Variants in ZDHHC17 observed in about 807,000 individuals in gnomAD.
ZDHHC17 encodes zDHHC palmitoyltransferase 17.
In ZDHHC17, 40 loss-of-function variants were observed where a neutral mutation model predicts 90.3. That is an observed-to-expected ratio of 0.44 (90% CI 0.34 to 0.58). The LOEUF is 0.58. Among genes scored for constraint, ZDHHC17 ranks in the 20% least tolerant of loss-of-function variants. The probability of loss-of-function intolerance (pLI) is 0.01; values close to 1 mark genes in which losing one functional copy is unlikely to be tolerated. For synonymous variants in ZDHHC17, 235 were observed against 252.4 expected, an observed-to-expected ratio of 0.93 and a Z score of 0.65; for missense variants, 614 against 780.8, an observed-to-expected ratio of 0.79 and a Z score of 2.55.
intron 5 of ZDHHC17, chr12:76,813,347 T>C (rs1953048271): frequency 4.4e-6 from 2 of 451,174 alleles, no homozygotes; most frequent in Admixed American, 2.4e-5. Flanking sequence ...ATATTGGAAA[T>C]GTTGAGTGAG....
intron 16 of ZDHHC17, among the ~76,000 whole-genome samples, chr12:76,850,595 C>T (rs939520330): frequency 1.3e-5 from 2 of 151,890 alleles, no homozygotes; most frequent in African/African-American, 4.8e-5. Flanking sequence ...AAAGTATATG[C>T]ACATTTGAAT....
intron 2 of ZDHHC17, among the ~76,000 whole-genome samples, chr12:76,801,619 G>A (rs1366211778): frequency 2.0e-5 from 3 of 151,822 alleles, no homozygotes; most frequent in African/African-American, 4.8e-5. Flanking sequence ...GCGCCACTGT[G>A]CTCCAGCCTG....
At chr12:76,775,913 A>C (rs902866833) in intron 1 of ZDHHC17, among the ~76,000 whole-genome samples, 2 of 152,156 alleles carry the variant, frequency 1.3e-5, no homozygotes, top group African/African-American at 4.8e-5. Context: ...TATAATCATG[A>C]ATAAATTCTA....
chr12:76,788,542 A>G (rs557807926), intron 1 of ZDHHC17, among the ~76,000 whole-genome samples: 1 of 152,288 alleles, frequency 6.6e-6, no homozygotes, highest in East Asian at 1.9e-4. Context: ...ATCAGTATGA[A>G]AAAGATTAAT....
intron 1 of ZDHHC17, among the ~76,000 whole-genome samples, chr12:76,787,660 C>G (rs746517634): frequency 1.3e-5 from 2 of 151,730 alleles, no homozygotes; most frequent in African/African-American, 4.8e-5. Context: ...TGTGTGTGTG[C>G]GCGCGCAGGA....
chr12:76,775,532 G>A (rs1034174350), intron 1 of ZDHHC17, among the ~76,000 whole-genome samples: 2 of 152,112 alleles, frequency 1.3e-5, no homozygotes, highest in African/African-American at 2.4e-5. Context: ...AAGTAAGTCT[G>A]TAAAAGATTT....
chr12:76,805,045 A>ATT (rs1952939644), intron 2 of ZDHHC17, among the ~76,000 whole-genome samples: 1 of 152,154 alleles, frequency 6.6e-6, no homozygotes, highest in African/African-American at 2.4e-5. Flanking sequence ...ATAAGTGGTA[A>ATT]TAAAGCAACT....
At position 76,788,322 on chromosome 12, in the gene ZDHHC17, A is replaced by G. The variant is rs1210321532; in HGVS notation, c.94-9112A>G. The stretch of plus-strand genomic sequence containing the variant: ...ATCACTTGGACACACTTATCTTTCA[A>G]AGGGCCAAGGGTGTACAGTTCAACT... On this transcript the variant is annotated intron_variant, in intron 1 of 16. Coordinates refer to ENST00000426126, the MANE Select transcript of ZDHHC17 (RefSeq NM_015336.4). Among the ~76,000 whole-genome samples, 6 of 152,174 alleles carry G rather than the reference A, an allele frequency of 3.9e-5. No individual in the cohort carries two copies. The East Asian group carries it at 5.8e-4, about 15-fold the overall frequency.
rs1289413207 is a variant in ZDHHC17 at position 76,766,882 on chromosome 12, T to C, written c.93+2553T>C. ...AGAAAATACAAAAATTAGCTGAGCA[T>C]GGTGGTACACGCCTGTAGTCCCAGC... On this transcript the variant is annotated intron_variant, in intron 1 of 16. Coordinates refer to ENST00000426126, the MANE Select transcript of ZDHHC17 (RefSeq NM_015336.4). Among the ~76,000 whole-genome samples, 6 of 151,964 alleles carry C rather than the reference T, an allele frequency of 3.9e-5. No homozygotes were observed. The South Asian group carries it at 1.2e-3, about 32-fold the overall frequency.
chr12:76,765,152 A>T (rs1952417396), intron 1 of ZDHHC17, among the ~76,000 whole-genome samples: 1 of 152,246 alleles, frequency 6.6e-6, no homozygotes, highest in African/African-American at 2.4e-5. Flanking sequence ...TGATGTCTGT[A>T]TGCGGCAGCG....
chr12:76,781,049 G>A (rs1952618760), intron 1 of ZDHHC17, among the ~76,000 whole-genome samples: 1 of 151,200 alleles, frequency 6.6e-6, no homozygotes, highest in Admixed American at 6.6e-5. Context: ...CTGGAGAATG[G>A]TGTGAACCCG....
chr12:76,775,792 G>A (rs1312705335), intron 1 of ZDHHC17, among the ~76,000 whole-genome samples: 1 of 152,118 alleles, frequency 6.6e-6, no homozygotes, highest in Non-Finnish European at 1.5e-5. Flanking sequence ...AAGATTTTAA[G>A]AGAGCATGTA....
At chr12:76,818,126 T>C (rs1203765628) in intron 7 of ZDHHC17, among the ~76,000 whole-genome samples, 1 of 152,196 alleles carries the variant, frequency 6.6e-6, no homozygotes, top group African/African-American at 2.4e-5. Flanking sequence ...ATGGTACTTC[T>C]AAAGAAAATA....
chr12:76,776,592 A>G (rs1297747050), intron 1 of ZDHHC17, among the ~76,000 whole-genome samples: 1 of 152,150 alleles, frequency 6.6e-6, no homozygotes, highest in Non-Finnish European at 1.5e-5. Flanking sequence ...GATCTTCCCT[A>G]TTCTTTGTAG....
chr12:76,807,281 T>C lies in ZDHHC17; in HGVS notation c.321-1762T>C, dbSNP rs866719654. Among the ~76,000 whole-genome samples, 23 of 152,328 alleles carry C rather than the reference T, an allele frequency of 1.5e-4. 1 individual carries two copies. The highest frequency in any genetic ancestry group is 3.4e-3 in the Middle Eastern group (1 of 294). On this transcript the variant is annotated intron_variant, in intron 3 of 16. Coordinates refer to ENST00000426126, the MANE Select transcript of ZDHHC17 (RefSeq NM_015336.4). ...TTGTGATGCTAAGTAACTACTGACT[T>C]TCAGCGGGAATATATGCTAGAAAAC...
intron 1 of ZDHHC17, among the ~76,000 whole-genome samples, chr12:76,778,479 T>C (rs574455601): frequency 4.6e-5 from 7 of 152,302 alleles, no homozygotes; most frequent in Admixed American, 3.9e-4. Context: ...TGCCTCGGCC[T>C]CCCAGAGTGC....
In ZDHHC17 at chr12:76,818,525, AC is replaced by A. The variant is rs889868041; in HGVS notation, c.771+2508del. On this transcript the variant is annotated intron_variant, in intron 7 of 16. Coordinates refer to ENST00000426126, the MANE Select transcript of ZDHHC17 (RefSeq NM_015336.4). The stretch of plus-strand genomic sequence containing the variant: ...GTGATAGAATGACTGGGATGGAAGG[AC>A]CACATCCAGTGAGAGTGATTTGGGA... Among the ~76,000 whole-genome samples the A allele has an allele frequency of 5.9e-5, 9 of 152,220 alleles. 1 individual carries two copies. In the South Asian group the frequency reaches 1.7e-3, roughly 28 times the overall value.
chr12:76,799,205 C>T, intron 2 of ZDHHC17, among the ~76,000 whole-genome samples: 1 of 152,106 alleles, frequency 6.6e-6, no homozygotes, highest in East Asian at 1.9e-4. Flanking sequence ...GTCATATTTC[C>T]TTAGGATGTG....
chr12:76,788,083 C>T lies in ZDHHC17; in HGVS notation c.94-9351C>T, dbSNP rs181877336. Among the ~76,000 whole-genome samples, 14 of 152,166 alleles carry T rather than the reference C, an allele frequency of 9.2e-5. No homozygotes were observed. In the East Asian group the frequency reaches 2.7e-3, roughly 29 times the overall value. On this transcript the variant is annotated intron_variant, in intron 1 of 16. Transcript: ENST00000426126. ...CCTGGGCAACATAGTGAGACCCTGT[C>T]CCTTAAAAAAATGTTAGTAGTTATG... is the stretch of plus-strand genomic sequence containing the variant.
Sources: gnomAD v4.1 joint callset for allele counts (sites outside exome capture counted in the v4.1 genomes callset) on GRCh38, gnomAD v4.1.1 for gene constraint, MANE v1.5 for transcripts, NCBI Gene and HGNC (gene_info 2026-07-23, HGNC 2026-07-21) for gene names.